SGPP2: variants seen among roughly 807,000 people sequenced by gnomAD.
The protein encoded by SGPP2 is sphingosine-1-phosphate phosphatase 2.
Under a neutral mutation model 33.9 loss-of-function variants are expected in SGPP2, and 30 were observed. That is an observed-to-expected ratio of 0.89 (90% CI 0.66 to 1.20). The LOEUF (loss-of-function observed/expected upper bound fraction) is 1.20, where lower values mean the gene tolerates loss of function less well. SGPP2 is among the 50% of genes most tolerant of loss of function. The probability of loss-of-function intolerance (pLI) is 0.00; values close to 1 mark genes in which losing one functional copy is unlikely to be tolerated. For synonymous variants in SGPP2, 233 were observed against 225.0 expected (o/e 1.04, Z -0.32); for missense variants, 458 against 532.1 (o/e 0.86, Z 1.37).
chr2:222,510,812 A>G (rs1225124957), intron 2 of SGPP2, among the ~76,000 whole-genome samples: 2 of 152,332 alleles, frequency 1.3e-5, no homozygotes, highest in East Asian at 3.9e-4. Context: ...AGTGTAAAAC[A>G]GTTCATCATG....
At chr2:222,518,599 A>G (rs1400792999) in intron 2 of SGPP2, among the ~76,000 whole-genome samples, 2 of 152,068 alleles carry the variant, frequency 1.3e-5, no homozygotes, top group East Asian at 1.9e-4. Flanking sequence ...CAGTTTTTCA[A>G]CTCCCCAGAT....
chr2:222,462,087 G>A (rs950661283), intron 1 of SGPP2, among the ~76,000 whole-genome samples: 1 of 152,246 alleles, frequency 6.6e-6, no homozygotes, highest in Non-Finnish European at 1.5e-5. Flanking sequence ...TCCTTGAGAG[G>A]CCTTAAAGCG....
At chr2:222,433,322 CT>C (rs934454042) in intron 1 of SGPP2, among the ~76,000 whole-genome samples, 2 of 152,106 alleles carry the variant, frequency 1.3e-5, no homozygotes, top group African/African-American at 4.8e-5. Context: ...ATAAACCCCT[CT>C]CAGTGGAGGG....
At chr2:222,532,207 G>A (rs1698849153) in intron 4 of SGPP2, among the ~76,000 whole-genome samples, 1 of 152,086 alleles carries the variant, frequency 6.6e-6, no homozygotes, top group Admixed American at 6.6e-5. Context: ...CTGGGAGGCG[G>A]AGTTTGCAGT....
chr2:222,502,228 T>G (rs1698378735), intron 2 of SGPP2, among the ~76,000 whole-genome samples: 1 of 152,196 alleles, frequency 6.6e-6, no homozygotes, highest in Non-Finnish European at 1.5e-5. Flanking sequence ...TTACGTAAGT[T>G]TATAATTTAG....
intron 2 of SGPP2, among the ~76,000 whole-genome samples, chr2:222,484,557 G>GTTCATCCTTCTTCCCTCCTTTTGGAC (rs1698075926): frequency 6.6e-6 from 1 of 152,220 alleles, no homozygotes; most frequent in African/African-American, 2.4e-5. Context: ...TTATTGTGGA[G>GTTCATCCTTCTTCCCTCCTTTTGGAC]TTCATCCTTC....
chr2:222,493,160 C>T (rs992473268), intron 2 of SGPP2, among the ~76,000 whole-genome samples: 4 of 152,096 alleles, frequency 2.6e-5, no homozygotes, highest in Admixed American at 6.5e-5. Context: ...CTGTATTAGT[C>T]GATTTTCACA....
At position 222,471,275 on chromosome 2, in the gene SGPP2, G is replaced by A. The variant is rs566337210; in HGVS notation, c.220-3293G>A. Among the ~76,000 whole-genome samples, 22 of 152,232 alleles carry A rather than the reference G, an allele frequency of 1.4e-4. No individual in the cohort carries two copies. The East Asian group carries it at 2.7e-3, about 19-fold the overall frequency. ...AATCTAGATCCATTCCCAGAGAGGA[G>A]TGTCAACTTTCCCTCAGGGCTATGT... On this transcript the variant is annotated intron_variant, in intron 1 of 4. Transcript: ENST00000321276.
At chr2:222,450,426 G>A (rs939772731) in intron 1 of SGPP2, among the ~76,000 whole-genome samples, 4 of 152,098 alleles carry the variant, frequency 2.6e-5, no homozygotes, top group Admixed American at 6.6e-5. Context: ...CCATCAATTA[G>A]TTATAGGCTA....
chr2:222,543,489 T>A (rs949775908), intron 4 of SGPP2, among the ~76,000 whole-genome samples: 1 of 152,256 alleles, frequency 6.6e-6, no homozygotes, highest in Non-Finnish European at 1.5e-5. Flanking sequence ...TAAAGCTTAA[T>A]TTATAAATTA....
intron 1 of SGPP2, among the ~76,000 whole-genome samples, chr2:222,469,666 C>G (rs927870806): frequency 3.9e-5 from 6 of 152,186 alleles, no homozygotes; most frequent in Admixed American, 1.3e-4. Context: ...ACCACTATTT[C>G]TTCCTTTTCT....
intron 4 of SGPP2, among the ~76,000 whole-genome samples, chr2:222,527,799 AT>A (rs1698780611): frequency 6.6e-6 from 1 of 152,196 alleles, no homozygotes; most frequent in Non-Finnish European, 1.5e-5. Flanking sequence ...ATGATGAGTA[AT>A]TTTTAGTAGA....
At chr2:222,471,290 C>A (rs1697836525) in intron 1 of SGPP2, among the ~76,000 whole-genome samples, 1 of 152,108 alleles carries the variant, frequency 6.6e-6, no homozygotes, top group African/African-American at 2.4e-5. Flanking sequence ...AACTTTCCCT[C>A]AGGGCTATGT....
At chr2:222,425,149 C>CG (rs1418980978) in intron 1 of SGPP2, among the ~76,000 whole-genome samples, 1 of 152,208 alleles carries the variant, frequency 6.6e-6, no homozygotes, top group African/African-American at 2.4e-5. Flanking sequence ...AACGGAGGAG[C>CG]GGGGATGTCC....
chr2:222,543,364 C>G (rs1353425797), intron 4 of SGPP2, among the ~76,000 whole-genome samples: 1 of 152,154 alleles, frequency 6.6e-6, no homozygotes, highest in African/African-American at 2.4e-5. Flanking sequence ...TGCATACAGT[C>G]GTTCCCTGTT....
Position 222,476,209 on chromosome 2 carries a change from A to G in SGPP2, c.378+1483A>G, listed in dbSNP as rs1697930223. ...CCTATGGTGAGCATTATGTTTTCTC[A>G]TTTGTAGAACAAGTAGAATGGACTT... On this transcript the variant is annotated intron_variant, in intron 2 of 4. Coordinates refer to ENST00000321276, the MANE Select transcript of SGPP2 (RefSeq NM_152386.4). This position sits in a 1 kb window ranked among gnomAD's most constrained non-coding sequence, Gnocchi z 4.3. 1.3e-5 allele frequency among the ~76,000 whole-genome samples: 2 copies of G among 152,156 alleles called. No individual in the cohort carries two copies. Among genetic ancestry groups the G allele is most frequent in the South Asian group, 4.1e-4 (2 of 4,824 alleles).
chr2:222,482,153 G>T (rs1292191195), intron 2 of SGPP2, among the ~76,000 whole-genome samples: 1 of 152,202 alleles, frequency 6.6e-6, no homozygotes, highest in African/African-American at 2.4e-5. Flanking sequence ...CATGAAAGGA[G>T]CACCAGGCTG....
chr2:222,450,714 G>A (rs779203792), intron 1 of SGPP2, among the ~76,000 whole-genome samples: 17 of 152,192 alleles, frequency 1.1e-4, no homozygotes, highest in Non-Finnish European at 1.9e-4. Context: ...TACCTCGGAT[G>A]CCACATCTTC....
chr2:222,456,779 C>T (rs1359095900), intron 1 of SGPP2, among the ~76,000 whole-genome samples: 3 of 152,136 alleles, frequency 2.0e-5, no homozygotes, highest in East Asian at 1.9e-4. Flanking sequence ...TGACCTCAGC[C>T]CCAGCTTCAC....
Sources: allele counts gnomAD v4.1 joint callset (sites outside exome capture counted in the v4.1 genomes callset), GRCh38; gene constraint gnomAD v4.1.1; non-coding constraint Gnocchi (gnomAD v3.1); transcripts MANE v1.5; gene names NCBI Gene and HGNC (gene_info 2026-07-23, HGNC 2026-07-21).